The following CNTROB variants were observed in gnomAD, a reference collection of about 807,000 sequenced individuals.
The protein encoded by CNTROB is centrobin, centriole duplication and spindle assembly protein.
In CNTROB, 82 loss-of-function variants were observed where a neutral mutation model predicts 115.7. That is an observed-to-expected ratio of 0.71 (90% CI 0.59 to 0.85). The LOEUF is 0.85. Among genes scored for constraint, CNTROB ranks in the 40% least tolerant of loss-of-function variants. The pLI, the probability that CNTROB is intolerant of heterozygous loss-of-function variation, is 0.00. For synonymous variants in CNTROB, 439 were observed against 456.4 expected, an observed-to-expected ratio of 0.96 and a Z score of 0.49; for missense variants, 1,014 against 1,144.4, an observed-to-expected ratio of 0.89 and a Z score of 1.64.
chr17:7,948,027 C>G lies in CNTROB; in HGVS notation c.2209+48C>G. ...GTTGGGGCTGGGGCCTAGGAAAGAT[C>G]GGAGTTGGTTATCTAGGATGAATTT... On this transcript the variant is annotated intron_variant, in intron 15 of 18. Coordinates refer to ENST00000563694, the MANE Select transcript of CNTROB (RefSeq NM_053051.5). This position sits in a 1 kb window ranked among gnomAD's most constrained non-coding sequence, Gnocchi z 4.4. 6.3e-7 allele frequency: 1 copy of G among 1,597,110 alleles called. No individual in the cohort carries two copies. Among genetic ancestry groups the G allele is most frequent in the Non-Finnish European group, 8.6e-7 (1 of 1,164,896 alleles).
chr17:7,943,368 T>G lies in CNTROB; in HGVS notation c.1312-23T>G, dbSNP rs1215338431. On this transcript the variant is annotated intron_variant, in intron 9 of 18. Transcript: ENST00000563694. This position sits in a 1 kb window ranked among gnomAD's most constrained non-coding sequence, Gnocchi z 4.7. ...CTAAGCCCAAACAGATTTGGGCCGT[T>G]ATCCCACCTTCCTTCACTCCAGGCC... The G allele has an allele frequency of 6.3e-7, 1 of 1,599,364 alleles. No homozygotes were observed. Among genetic ancestry groups the G allele is most frequent in the South Asian group, 1.1e-5 (1 of 90,094 alleles).
intron 13 of CNTROB, among the ~76,000 whole-genome samples, chr17:7,946,618 A>G (rs1020682344): frequency 2.0e-5 from 3 of 152,188 alleles, no homozygotes; most frequent in African/African-American, 7.2e-5. Flanking sequence ...CTGTAATGCT[A>G]GCGCGTTGGG....
At position 7,949,445 on chromosome 17, in the gene CNTROB, G is replaced by C. The variant is rs769566469; in HGVS notation, c.2647G>C (p.Ala883Pro). The change falls in exon 19 of 19, where the codon GCA becomes CCA. Residue 883 changes from alanine to proline, a missense_variant. By Grantham distance (27) the Ala-to-Pro change is conservative. Transcript: ENST00000563694. ...AGCCCCCAAGACTGAAAAACCTCCCGCACGGAAGAAAAGTGGGCACCCTGC... is the reference window on the plus strand; with the variant it reads ...AGCCCCCAAGACTGAAAAACCTCCCCCACGGAAGAAAAGTGGGCACCCTGC... Reference protein sequence around the residue: ...ATAPKTEKPPARKKSGHPAPS... With the variant: ...ATAPKTEKPPPRKKSGHPAPS... 1.9e-6 allele frequency: 3 copies of C among 1,613,882 alleles called. No homozygotes were observed. In the African/African-American group the frequency reaches 4.0e-5, roughly 22 times the overall value.
Position 7,944,570 on chromosome 17 carries a change from A to G in CNTROB, c.1666A>G (p.Met556Val). The change falls in exon 12 of 19, where the codon ATG (methionine) becomes GTG (valine). Residue 556 changes from methionine to valine, a missense_variant. Met to Val is a conservative substitution (Grantham distance 21). Transcript: ENST00000563694. The surrounding 1 kb of genome is among the most constrained non-coding windows in gnomAD (Gnocchi z 4.0). ...RVELVERLQA[M>V]LQAHWDEANQ... ...GGAGCTGGTGGAAAGACTGCAGGCC[A>G]TGCTGCAGGCCCACTGGGATGAGGC... The G allele has an allele frequency of 6.2e-7, 1 of 1,614,200 alleles. No homozygotes were observed.
At chr17:7,946,210 C>T (rs529398765) in intron 13 of CNTROB, among the ~76,000 whole-genome samples, 2 of 152,310 alleles carry the variant, frequency 1.3e-5, no homozygotes, top group East Asian at 1.9e-4. Flanking sequence ...GAGTTGGGAA[C>T]GGGGTACTAT....
At position 7,933,038 on chromosome 17, in the gene CNTROB, T is replaced by A; in HGVS notation, c.-42T>A. 3 of 1,598,520 alleles carry A rather than the reference T, an allele frequency of 1.9e-6. No homozygotes were observed. The highest frequency in any genetic ancestry group is 2.6e-6 in the Non-Finnish European group (3 of 1,172,718). ...TCCTGGACTTTGCTAAAGCAGAACC[T>A]CCCAGCTCTTTGCTGTCTCCGGTTG... On this transcript the variant is annotated 5_prime_UTR_variant, in exon 1 of 19. Coordinates refer to ENST00000563694, the MANE Select transcript of CNTROB (RefSeq NM_053051.5).
upstream of CNTROB, chr17:7,932,174 A>G: frequency 3.2e-6 from 1 of 316,740 alleles, no homozygotes; most frequent in East Asian, 6.7e-5. Context: ...CGGGCGGGTG[A>G]CGTCATCGAG....
At chr17:7,934,416 T>G in intron 2 of CNTROB, 49 bp from the exon 3 acceptor site, 2 of 1,577,872 alleles carry the variant, frequency 1.3e-6, no homozygotes, top group Non-Finnish European at 1.7e-6. Context: ...TGGCCCCTGT[T>G]TTTGTCATTA....
At position 7,944,145 on chromosome 17, in the gene CNTROB, G is replaced by A. The variant is rs377629124; in HGVS notation, c.1468G>A (p.Gly490Arg). The A allele has an allele frequency of 6.2e-6, 10 of 1,610,114 alleles. No homozygotes were observed. The highest frequency in any genetic ancestry group is 2.2e-5 in the East Asian group (1 of 44,848). The change falls in exon 11 of 19, where the codon GGA becomes AGA. Residue 490 changes from glycine to arginine, a missense_variant. Coordinates refer to ENST00000563694, the MANE Select transcript of CNTROB (RefSeq NM_053051.5). The surrounding 1 kb of genome is among the most constrained non-coding windows in gnomAD (Gnocchi z 4.0). ...TAGGAAGCAGCTGCAGGACCTGAGT[G>A]GACAGCACCAGCAGGAGCTGGCCAG... ...HHRKQLQDLS[G>R]QHQQELASQL...
chr17:7,934,480 C>A lies in CNTROB; in HGVS notation c.371C>A (p.Pro124His). The change falls in exon 3 of 19, where the codon CCT becomes CAT. Residue 124 changes from proline (P) to histidine (H), a missense_variant. Physicochemically the swap from Pro to His is moderately conservative, Grantham distance 77. Coordinates refer to ENST00000563694, the MANE Select transcript of CNTROB (RefSeq NM_053051.5). Reference sequence around the variant, plus strand: ...CTGCCTGCAGGGGATCCTCTCATTCCTGGCGCTGGCTCAGAGAGACGGGAA... The same window carrying A: ...CTGCCTGCAGGGGATCCTCTCATTCATGGCGCTGGCTCAGAGAGACGGGAA... ...RDTAYRDPLI[P>H]GAGSERREED... 6.2e-7 allele frequency: 1 copy of A among 1,614,190 alleles called. No homozygotes were observed. The highest frequency in any genetic ancestry group is 8.5e-7 in the Non-Finnish European group (1 of 1,180,020).
intron 13 of CNTROB, among the ~76,000 whole-genome samples, chr17:7,946,315 C>A (rs1974531186): frequency 6.6e-6 from 1 of 152,198 alleles, no homozygotes; most frequent in Non-Finnish European, 1.5e-5. Flanking sequence ...TCTTGCTAGA[C>A]CAGCATTCAA....
intron 2 of CNTROB, 108 bp from the exon 3 acceptor site, chr17:7,934,357 G>T: frequency 1.5e-6 from 2 of 1,317,126 alleles, no homozygotes; most frequent in Non-Finnish European, 2.2e-6. Flanking sequence ...CTTTGGGAGA[G>T]GGGGTGAAGG....
chr17:7,937,989 GTTTC>G (rs202158303), intron 7 of CNTROB, among the ~76,000 whole-genome samples: 1 of 129,534 alleles, frequency 7.7e-6, no homozygotes, highest in East Asian at 2.5e-4. Flanking sequence ...ACTAACTCAA[GTTTC>G]TTTTCGTGTT....
At position 7,936,780 on chromosome 17, in the gene CNTROB, AC is replaced by A; in HGVS notation, c.793del (p.Gln265ArgfsTer14). ...TEVLRGLQEEHQAAELTRSKQ... is the reference protein window; with the variant it reads ...TEVLRGLQEEXQAAELTRSKQ... ...GTTCTCAGGGGACTTCAAGAGGAACACCAGGCAGCAGAGCTCACCAGAAGCA... is the reference window on the plus strand; with the variant it reads ...GTTCTCAGGGGACTTCAAGAGGAACACAGGCAGCAGAGCTCACCAGAAGCA... On this transcript the variant is annotated frameshift_variant, in exon 6 of 19. Transcript: ENST00000563694. LOFTEE classifies it high-confidence loss of function. 2 of 1,537,432 alleles carry A rather than the reference AC, an allele frequency of 1.3e-6. No individual in the cohort carries two copies. The highest frequency in any genetic ancestry group is 1.8e-6 in the Non-Finnish European group (2 of 1,109,856).
intron 18 of CNTROB, 42 bp from the exon 19 acceptor site, chr17:7,949,343 A>C (rs761278878): frequency 6.2e-7 from 1 of 1,610,918 alleles, no homozygotes; most frequent in Non-Finnish European, 8.5e-7. Flanking sequence ...AATTGAGAGG[A>C]TCTGACGCTG....
rs983334838 is a variant in CNTROB at position 7,943,104 on chromosome 17, G to A, written c.1312-287G>A. 1.6e-4 allele frequency among the ~76,000 whole-genome samples: 24 copies of A among 152,064 alleles called. No homozygotes were observed. The highest frequency in any genetic ancestry group is 5.8e-4 in the African/African-American group (24 of 41,392). On this transcript the variant is annotated intron_variant, in intron 9 of 18. Coordinates refer to ENST00000563694, the MANE Select transcript of CNTROB (RefSeq NM_053051.5). This position sits in a 1 kb window ranked among gnomAD's most constrained non-coding sequence, Gnocchi z 4.7. ...GCGTGAGCCACCGCGCCCAGCCTCAGGGTATGTTATATCAGACACGTAGAA... is the reference window on the plus strand; with the variant it reads ...GCGTGAGCCACCGCGCCCAGCCTCAAGGTATGTTATATCAGACACGTAGAA...
At position 7,936,770 on chromosome 17, in the gene CNTROB, C is replaced by G. The variant is rs759220534; in HGVS notation, c.781C>G (p.Gln261Glu). Residue 261 changes from glutamine to glutamate, a missense_variant, in exon 6 of 19, where the codon CAA (glutamine) becomes GAA (glutamate). Gln to Glu is a conservative substitution (Grantham distance 29, BLOSUM62 2). Transcript: ENST00000563694. ...GCGGACAGAGGTTCTCAGGGGACTT[C>G]AAGAGGAACACCAGGCAGCAGAGCT... ...AERTEVLRGL[Q>E]EEHQAAELTR... 1 of 1,559,126 alleles carries G rather than the reference C, an allele frequency of 6.4e-7. No homozygotes were observed. The highest frequency in any genetic ancestry group is 2.2e-5 in the East Asian group (1 of 44,660).
chr17:7,948,298 G>A lies in CNTROB; in HGVS notation c.2351G>A (p.Ser784Asn), dbSNP rs772362928. The change falls in exon 16 of 19, where the codon AGT (serine) becomes AAT (asparagine). Residue 784 changes from serine to asparagine, a missense_variant. Physicochemically the swap from Ser to Asn is conservative, Grantham distance 46. Transcript: ENST00000563694. The surrounding 1 kb of genome is among the most constrained non-coding windows in gnomAD (Gnocchi z 4.4). ...PEPPSSHSQG[S>N]GPSSGSPERG... ...CCTCCCTCCTCCCATTCACAAGGCA[G>A]TGGTCCCAGCAGTGGTTCCCCAGAG... 1 of 1,614,154 alleles carries A rather than the reference G, an allele frequency of 6.2e-7. No individual in the cohort carries two copies. The highest frequency in any genetic ancestry group is 8.5e-7 in the Non-Finnish European group (1 of 1,180,030).
chr17:7,939,449 A>G lies in CNTROB; in HGVS notation c.928-64A>G. 1 of 1,354,424 alleles carries G rather than the reference A, an allele frequency of 7.4e-7. No homozygotes were observed. Among genetic ancestry groups the G allele is most frequent in the East Asian group, 2.3e-5 (1 of 43,526 alleles). 83.9% of individuals were successfully genotyped at this position (1,354,424 alleles called of 1,614,324 possible). ...TCAGCAGGCACCTTGTATGAGGGTC[A>G]GAGGGCAGATCGCTGGTCTCTGAAG... is the stretch of plus-strand genomic sequence containing the variant. On this transcript the variant is annotated intron_variant, in intron 7 of 18. Coordinates refer to ENST00000563694, the MANE Select transcript of CNTROB (RefSeq NM_053051.5). The surrounding 1 kb of genome is among the most constrained non-coding windows in gnomAD (Gnocchi z 4.4).
Sources: allele counts gnomAD v4.1 joint callset (sites outside exome capture counted in the v4.1 genomes callset), GRCh38; gene constraint gnomAD v4.1.1; non-coding constraint Gnocchi (gnomAD v3.1); transcripts MANE v1.5; gene names NCBI Gene and HGNC (gene_info 2026-07-23, HGNC 2026-07-21).